Variants in ZNF566 observed in about 807,000 individuals in gnomAD.
ZNF566 encodes zinc finger protein 566.
ZNF566 carries 27 observed loss-of-function variants against 32.8 expected under a neutral mutation model. That is an observed-to-expected ratio of 0.82 (90% CI 0.61 to 1.14). ZNF566 has a LOEUF of 1.14. Among genes scored for constraint, ZNF566 ranks in the 50% most tolerant of loss-of-function variants. The pLI is 0.00. For synonymous variants in ZNF566, 154 were observed against 159.5 expected, an observed-to-expected ratio of 0.97 and a Z score of 0.26; for missense variants, 402 against 490.4, an observed-to-expected ratio of 0.82 and a Z score of 1.70.
intron 4 of ZNF566, among the ~76,000 whole-genome samples, chr19:36,462,974 AAAAAAAAAAAAAAAAAT>A (rs2033512894): frequency 6.8e-6 from 1 of 146,518 alleles, no homozygotes. Flanking sequence ...AAAAAAAAAA[AAAAAAAAAAAAAAAAAT>A]CCCATTTCCT....
At position 36,449,723 on chromosome 19, in the gene ZNF566, A is replaced by T; in HGVS notation, c.511T>A (p.Cys171Ser). The T allele has an allele frequency of 1.2e-6, 2 of 1,614,124 alleles. No individual in the cohort carries two copies. The highest frequency in any genetic ancestry group is 1.7e-6 in the Non-Finnish European group (2 of 1,180,010). ...QQIINSKKKF[C>S]ASKEYRKTFR... Reference sequence around the variant, plus strand: ...GTTTTCCTATATTCTTTAGATGCACAGAATTTCTTTTTACTGTTAATGATT... The same window carrying T: ...GTTTTCCTATATTCTTTAGATGCACTGAATTTCTTTTTACTGTTAATGATT... Residue 171 changes from cysteine (C) to serine (S), a missense_variant, in exon 5 of 5, where the codon TGT becomes AGT. Transcript: ENST00000452939.
intron 4 of ZNF566, among the ~76,000 whole-genome samples, chr19:36,457,011 C>A (rs1289378470): frequency 6.6e-6 from 1 of 152,238 alleles, no homozygotes; most frequent in Non-Finnish European, 1.5e-5. Flanking sequence ...TACAAAGCTG[C>A]AGTAATCAAA....
Position 36,463,318 on chromosome 19 carries a change from C to A in ZNF566, c.232+9593G>T, listed in dbSNP as rs1006615566. ...ACATCCTACGCAATAAACAACTCAA[C>A]TGCATTTGTAGACCCCCAAAAATAT... is the stretch of plus-strand genomic sequence containing the variant. On this transcript the variant is annotated intron_variant, in intron 4 of 4. Coordinates refer to ENST00000452939, the MANE Select transcript of ZNF566 (RefSeq NM_001145344.1). Among the ~76,000 whole-genome samples, 9 of 152,006 alleles carry A rather than the reference C, an allele frequency of 5.9e-5. No individual in the cohort carries two copies. In the East Asian group the frequency reaches 1.4e-3, roughly 23 times the overall value.
intron 4 of ZNF566, among the ~76,000 whole-genome samples, chr19:36,452,791 A>G (rs1440083276): frequency 6.6e-6 from 1 of 152,126 alleles, no homozygotes; most frequent in East Asian, 1.9e-4. Flanking sequence ...TAATGTAATA[A>G]TAGTGTATAA....
At chr19:36,480,535 T>C (rs2034001428) in intron 1 of ZNF566, among the ~76,000 whole-genome samples, 1 of 150,958 alleles carries the variant, frequency 6.6e-6, no homozygotes, top group Admixed American at 6.6e-5. Context: ...TCTGCCTGCC[T>C]CGGCCTCCCA....
intron 4 of ZNF566, among the ~76,000 whole-genome samples, chr19:36,457,849 C>T (rs374367226): frequency 5.5e-4 from 83 of 152,286 alleles, no homozygotes; most frequent in African/African-American, 1.9e-3. Flanking sequence ...TGAGATTGCA[C>T]CACTGCACTC....
At chr19:36,452,871 G>A (rs770221724) in intron 4 of ZNF566, among the ~76,000 whole-genome samples, 1 of 152,078 alleles carries the variant, frequency 6.6e-6, no homozygotes. Context: ...TGTAATCCTA[G>A]CACTTTGGGA....
Position 36,449,306 on chromosome 19 carries a change from G to A in ZNF566, c.928C>T (p.Pro310Ser), listed in dbSNP as rs1568506372. 2 of 1,614,154 alleles carry A rather than the reference G, an allele frequency of 1.2e-6. No individual in the cohort carries two copies. Residue 310 changes from proline to serine, a missense_variant, in exon 5 of 5, where the codon CCC (proline) becomes TCC (serine). By Grantham distance (74) the Pro-to-Ser change is moderately conservative (BLOSUM62 -1). Around this residue, in one of 3 missense-constraint regions of ZNF566, gnomAD observed 135 missense variants for 210.0 expected, o/e 0.64. Transcript: ENST00000452939. Reference protein sequence around the residue: ...QHQRIHTGEKPYECKECGNAF... With the variant: ...QHQRIHTGEKSYECKECGNAF... The stretch of plus-strand genomic sequence containing the variant: ...TTGCCACATTCCTTACATTCATAGG[G>A]TTTTTCCCCAGTATGAATTCTCTGA...
rs755357547 is a variant in ZNF566 at position 36,449,747 on chromosome 19, T to C, written c.487A>G (p.Ile163Val). Residue 163 changes from isoleucine to valine, a missense_variant, in exon 5 of 5, where the codon ATC becomes GTC. By Grantham distance (29) the Ile-to-Val change is conservative. Around this residue, in one of 3 missense-constraint regions of ZNF566, gnomAD observed 220 missense variants for 241.9 expected, o/e 0.91. Coordinates refer to ENST00000452939, the MANE Select transcript of ZNF566 (RefSeq NM_001145344.1). ...SHHPSFTLQQIINSKKKFCAS... is the reference protein window; with the variant it reads ...SHHPSFTLQQVINSKKKFCAS... ...CAGAATTTCTTTTTACTGTTAATGATTTGCTGTAATGTGAAGGATGGATGG... is the reference window on the plus strand; with the variant it reads ...CAGAATTTCTTTTTACTGTTAATGACTTGCTGTAATGTGAAGGATGGATGG... The C allele has an allele frequency of 1.9e-6, 3 of 1,614,116 alleles. No homozygotes were observed.
At chr19:36,462,169 G>A (rs2033482428) in intron 4 of ZNF566, among the ~76,000 whole-genome samples, 1 of 151,868 alleles carries the variant, frequency 6.6e-6, no homozygotes, top group East Asian at 1.9e-4. Flanking sequence ...TGTATTTTTA[G>A]TAGAGATGGG....
rs1327389147 is a variant in ZNF566, at chr19:36,449,068, T to C, written c.1166A>G (p.His389Arg). Residue 389 changes from histidine (H) to arginine (R), a missense_variant, in exon 5 of 5, where the codon CAT becomes CGT. Physicochemically the swap from His to Arg is conservative, Grantham distance 29. Transcript: ENST00000452939. ...SSQLISHHRI[H>R]TSEKPYEYRE... ...ATATTCATAGGGTTTCTCACTAGTATGAATTCTATGATGACTAATAAGCTG... is the reference window on the plus strand; with the variant it reads ...ATATTCATAGGGTTTCTCACTAGTACGAATTCTATGATGACTAATAAGCTG... 1.9e-6 allele frequency: 3 copies of C among 1,613,920 alleles called. No homozygotes were observed. The highest frequency in any genetic ancestry group is 2.5e-6 in the Non-Finnish European group (3 of 1,179,972).
At chr19:36,461,652 C>T (rs1240283598) in intron 4 of ZNF566, among the ~76,000 whole-genome samples, 1 of 151,938 alleles carries the variant, frequency 6.6e-6, no homozygotes, top group African/African-American at 2.4e-5. Context: ...GCCTGGGCGA[C>T]AGAGCGAGAC....
Position 36,489,539 on chromosome 19 carries a change from C to A in ZNF566, c.-113G>T. 1 of 356,198 alleles carries A rather than the reference C, an allele frequency of 2.8e-6. No homozygotes were observed. The highest frequency in any genetic ancestry group is 5.5e-6 in the Non-Finnish European group (1 of 180,274). The allele number at this position is 356,198 out of a possible 1,614,324, so 22.1% of individuals were successfully genotyped here. ...GGCACTGGGGTAGTTGCTGGTAAAGCCCTGAGGGTCCCGCCAGCGCGTGAG... is the reference window on the plus strand; with the variant it reads ...GGCACTGGGGTAGTTGCTGGTAAAGACCTGAGGGTCCCGCCAGCGCGTGAG... On this transcript the variant is annotated 5_prime_UTR_variant, in exon 1 of 5. Transcript: ENST00000452939.
intron 4 of ZNF566, among the ~76,000 whole-genome samples, chr19:36,468,735 A>C (rs1363323981): frequency 6.6e-6 from 1 of 151,870 alleles, no homozygotes. Context: ...CAACGTGGCA[A>C]AACCCCGTCT....
At chr19:36,481,663 A>C (rs1737407801) in intron 1 of ZNF566, among the ~76,000 whole-genome samples, 1 of 152,132 alleles carries the variant, frequency 6.6e-6, no homozygotes, top group Non-Finnish European at 1.5e-5. Flanking sequence ...TGCAATACTT[A>C]ACAAAACTAC....
At chr19:36,456,201 A>G (rs1379115425) in intron 4 of ZNF566, among the ~76,000 whole-genome samples, 1 of 151,758 alleles carries the variant, frequency 6.6e-6, no homozygotes, top group Non-Finnish European at 1.5e-5. Context: ...AAATTTAACA[A>G]AGGAAATCTG....
chr19:36,473,179 C>G, intron 3 of ZNF566, 153 bp downstream of exon 3: 1 of 1,118,534 alleles, frequency 8.9e-7, no homozygotes, highest in Non-Finnish European at 1.3e-6. Flanking sequence ...CTCAATGCAG[C>G]TTCCTTTTTC....
chr19:36,453,694 T>C (rs1243386715), intron 4 of ZNF566, among the ~76,000 whole-genome samples: 2 of 151,812 alleles, frequency 1.3e-5, no homozygotes, highest in Non-Finnish European at 2.9e-5. Context: ...ATTATTATTA[T>C]ATTTTTGAGA....
intron 1 of ZNF566, among the ~76,000 whole-genome samples, chr19:36,482,231 C>A (rs528538062): frequency 2.6e-5 from 4 of 152,214 alleles, no homozygotes; most frequent in South Asian, 2.1e-4. Flanking sequence ...TCAGCCTCTC[C>A]AGTAGCTGGG....
Sources: allele counts gnomAD v4.1 joint callset (sites outside exome capture counted in the v4.1 genomes callset), GRCh38; gene constraint gnomAD v4.1.1; regional missense constraint gnomAD v4.1.1; transcripts MANE v1.5; gene names NCBI Gene and HGNC (gene_info 2026-07-23, HGNC 2026-07-21).